The following MRPL3 variants were observed in gnomAD, a reference collection of about 807,000 sequenced individuals.
The protein encoded by MRPL3 is large ribosomal subunit protein uL3m.
Under a neutral mutation model 44.3 loss-of-function variants are expected in MRPL3, and 43 were observed. That is an observed-to-expected ratio of 0.97 (90% CI 0.76 to 1.25). MRPL3 has a LOEUF of 1.25. MRPL3 is among the 50% of genes most tolerant of loss of function. The probability of loss-of-function intolerance (pLI) is 0.00; values close to 1 mark genes in which losing one functional copy is unlikely to be tolerated. For synonymous variants in MRPL3, 171 were observed against 152.3 expected (o/e 1.12, Z -0.91); for missense variants, 406 against 427.6 (o/e 0.95, Z 0.45).
chr3:131,470,547 T>C (rs1933715973), intron 7 of MRPL3, among the ~76,000 whole-genome samples: 1 of 152,178 alleles, frequency 6.6e-6, no homozygotes, highest in East Asian at 1.9e-4. Flanking sequence ...ACAGACTAAG[T>C]ATCACTCTTA....
chr3:131,476,655 G>GTTT, intron 6 of MRPL3, among the ~76,000 whole-genome samples: 1 of 152,202 alleles, frequency 6.6e-6, no homozygotes, highest in East Asian at 1.9e-4. Flanking sequence ...AGACATAAAA[G>GTTT]ATGTATTTTA....
intron 6 of MRPL3, among the ~76,000 whole-genome samples, chr3:131,483,733 T>C (rs1934048623): frequency 6.6e-6 from 1 of 152,220 alleles, no homozygotes; most frequent in South Asian, 2.1e-4. Context: ...TAAAAAACTG[T>C]CTGCAGACAA....
At position 131,501,512 on chromosome 3, in the gene MRPL3, T is replaced by C; in HGVS notation, c.277+19A>G. On this transcript the variant is annotated intron_variant, in intron 2 of 9. Coordinates refer to ENST00000264995, the MANE Select transcript of MRPL3 (RefSeq NM_007208.4). ...ACAGTAATTAGGAAATGAGAGCTCA[T>C]CAAATACAAAATAATCACCTGGTTC... 1 of 1,598,296 alleles carries C rather than the reference T, an allele frequency of 6.3e-7. No homozygotes were observed.
At chr3:131,502,666 C>G in intron 1 of MRPL3, 64 bp downstream of exon 1, 1 of 1,416,668 alleles carries the variant, frequency 7.1e-7, no homozygotes, top group Non-Finnish European at 9.7e-7. Context: ...GGCCCAACTG[C>G]ACCAGGCCAT....
chr3:131,472,680 C>T (rs1933766189), intron 6 of MRPL3, among the ~76,000 whole-genome samples: 1 of 151,764 alleles, frequency 6.6e-6, no homozygotes, highest in Non-Finnish European at 1.5e-5. Flanking sequence ...ATAGGAAATC[C>T]TAGACTCCAC....
At chr3:131,470,718 T>G (rs6808732) in intron 7 of MRPL3, among the ~76,000 whole-genome samples, 2 of 152,224 alleles carry the variant, frequency 1.3e-5, no homozygotes, top group East Asian at 1.9e-4. Context: ...TGCATACTTA[T>G]AGTTTGAATT....
At chr3:131,493,067 C>T (rs1041636720) in intron 4 of MRPL3, among the ~76,000 whole-genome samples, 3 of 152,144 alleles carry the variant, frequency 2.0e-5, no homozygotes, top group Non-Finnish European at 2.9e-5. Flanking sequence ...GCTGTTCGCT[C>T]TCCCTCAACT....
Position 131,501,595 on chromosome 3 carries a change from G to A in MRPL3, c.213C>T (p.Ala71=), listed in dbSNP as rs1473209853. 4 of 1,612,274 alleles carry A rather than the reference G, an allele frequency of 2.5e-6. No individual in the cohort carries two copies. Among genetic ancestry groups the A allele is most frequent in the Admixed American group, 3.3e-5 (2 of 60,020 alleles). The stretch of plus-strand genomic sequence containing the variant: ...GAGGACACAGTTTACTTGCTAATTG[G>A]GCTTTATCTTCATCAGAGACCAACT... The part of the protein sequence containing the change: ...IKQLVSDEDK[A]QLASKLCPLK... The change falls in exon 2 of 10, where the codon GCC becomes GCT. Residue 71 remains alanine, a synonymous_variant. Coordinates refer to ENST00000264995, the MANE Select transcript of MRPL3 (RefSeq NM_007208.4).
chr3:131,467,274 C>CA (rs1933634262), intron 9 of MRPL3, among the ~76,000 whole-genome samples: 1 of 151,164 alleles, frequency 6.6e-6, no homozygotes, highest in African/African-American at 2.4e-5. Flanking sequence ...ACACACACAC[C>CA]CACCACATCT....
chr3:131,469,339 C>A (rs559480869), intron 8 of MRPL3, among the ~76,000 whole-genome samples: 1 of 151,874 alleles, frequency 6.6e-6, no homozygotes, highest in South Asian at 2.1e-4. Context: ...ACGTAGAGAG[C>A]TTTTGTTAAA....
At chr3:131,470,617 GAC>G (rs370195418) in intron 7 of MRPL3, among the ~76,000 whole-genome samples, 5 of 150,862 alleles carry the variant, frequency 3.3e-5, no homozygotes, top group African/African-American at 9.8e-5. Flanking sequence ...ACAGAACTAA[GAC>G]ACACACACAC....
rs74862656 is a variant in MRPL3, at chr3:131,473,799, T to C, written c.630-2520A>G. The stretch of plus-strand genomic sequence containing the variant: ...AAAGAGACAAAGAAATGGCCAAGTA[T>C]ATGAAAAATGTTCAAAACCACTAAT... On this transcript the variant is annotated intron_variant, in intron 6 of 9. Coordinates refer to ENST00000264995, the MANE Select transcript of MRPL3 (RefSeq NM_007208.4). Among the ~76,000 whole-genome samples the C allele has an allele frequency of 3.5e-3, 535 of 151,956 alleles. 7 individuals carry two copies. The highest frequency in any genetic ancestry group is 0.012 in the African/African-American group (508 of 41,484).
At chr3:131,489,564 G>A (rs1188485002) in intron 5 of MRPL3, among the ~76,000 whole-genome samples, 4 of 152,120 alleles carry the variant, frequency 2.6e-5, no homozygotes, top group Admixed American at 2.6e-4. Context: ...AAATATCTTG[G>A]AAATTTTAAG....
chr3:131,470,793 G>GA (rs1933724742), intron 7 of MRPL3, among the ~76,000 whole-genome samples: 1 of 152,002 alleles, frequency 6.6e-6, no homozygotes, highest in South Asian at 2.1e-4. Context: ...CCAACAGTGA[G>GA]AAACCTAGCT....
chr3:131,482,986 CTT>C (rs3033337), intron 6 of MRPL3, among the ~76,000 whole-genome samples: 60,167 of 140,602 alleles, frequency 0.43, 13,214 homozygotes, highest in Middle Eastern at 0.54. Context: ...TTTCATTCTT[CTT>C]TTTTTTTTTT....
chr3:131,467,814 A>C (rs1373700537), intron 9 of MRPL3, among the ~76,000 whole-genome samples: 1 of 152,124 alleles, frequency 6.6e-6, no homozygotes, highest in Non-Finnish European at 1.5e-5. Context: ...ACTAATACAC[A>C]GCCTTACCCT....
At chr3:131,469,565 G>T in intron 8 of MRPL3, 131 bp downstream of exon 8, 1 of 592,074 alleles carries the variant, frequency 1.7e-6, no homozygotes, top group Admixed American at 3.2e-5. Context: ...CACAATTCAT[G>T]TATCCTCTTT....
Position 131,471,804 on chromosome 3 carries a change from A to G in MRPL3, c.630-525T>C, listed in dbSNP as rs1182878704. ...TCACTTCTGAGATTTGGTTACAAAGAGACTGTAGCTTCCATCTTGGTACTC... is the reference window on the plus strand; with the variant it reads ...TCACTTCTGAGATTTGGTTACAAAGGGACTGTAGCTTCCATCTTGGTACTC... On this transcript the variant is annotated intron_variant, in intron 6 of 9. Transcript: ENST00000264995. Among the ~76,000 whole-genome samples the G allele has an allele frequency of 2.6e-5, 4 of 152,174 alleles. No homozygotes were observed. In the East Asian group the frequency reaches 7.7e-4, roughly 29 times the overall value.
intron 6 of MRPL3, among the ~76,000 whole-genome samples, chr3:131,477,374 AAC>A (rs929601255): frequency 4.1e-4 from 63 of 152,238 alleles, no homozygotes; most frequent in African/African-American, 1.4e-3. Flanking sequence ...CTTTCACTGG[AAC>A]ACAAACTGCT....
Sources: allele counts gnomAD v4.1 joint callset (sites outside exome capture counted in the v4.1 genomes callset), GRCh38; gene constraint gnomAD v4.1.1; transcripts MANE v1.5; gene names NCBI Gene and HGNC (gene_info 2026-07-23, HGNC 2026-07-21).